The following RAG1 variants were observed in gnomAD, a reference collection of about 807,000 sequenced individuals.
RAG1 encodes the protein recombination activating 1.
In RAG1, 35 loss-of-function variants were observed where a neutral mutation model predicts 62.7. The ratio of observed to expected loss-of-function variants is 0.56; its 90% CI spans 0.43 to 0.74. The LOEUF (loss-of-function observed/expected upper bound fraction) is 0.74, where lower values mean the gene tolerates loss of function less well. Ranked by LOEUF, RAG1 falls within the 30% of genes least tolerant of loss-of-function variation. RAG1 has a pLI of 0.00. For synonymous variants in RAG1, 461 were observed against 470.3 expected (o/e 0.98, Z 0.26); for missense variants, 1,169 against 1,278.6 (o/e 0.91, Z 1.31).
chr11:36,571,948 A>G (rs530741088), intron 1 of RAG1, among the ~76,000 whole-genome samples: 2 of 152,162 alleles, frequency 1.3e-5, no homozygotes, highest in Admixed American at 6.5e-5. Context: ...TGTGTGATGC[A>G]TGTAAGATAG....
rs146610340 is a variant in RAG1, at chr11:36,511,653, A to G, written n.330+615A>G. ...TTGTATTTTGAAACACTTAAGACAT[A>G]AAAAGAGCACAAACATCTGTGTGCT... On this transcript the variant is annotated intron_variant and non_coding_transcript_variant, in intron 1 of 2. Coordinates refer to the RAG1 transcript ENST00000529126. 2.0e-5 allele frequency among the ~76,000 whole-genome samples: 3 copies of G among 152,348 alleles called. No individual in the cohort carries two copies. In the East Asian group the frequency reaches 5.8e-4, roughly 29 times the overall value.
Position 36,533,492 on chromosome 11 carries a change from C to T in RAG1, n.429-2467C>T, listed in dbSNP as rs1018716334. Among the ~76,000 whole-genome samples the T allele has an allele frequency of 3.3e-5, 5 of 152,152 alleles. No individual in the cohort carries two copies. In the South Asian group the frequency reaches 6.2e-4, roughly 19 times the overall value. The stretch of plus-strand genomic sequence containing the variant: ...GGGCATTAATTTTATATGCCCTTTA[C>T]TAAACTTTTGTGAACTCAAAGACTT... On this transcript the variant is annotated intron_variant and non_coding_transcript_variant, in intron 2 of 2. Transcript: ENST00000529126.
chr11:36,530,501 T>C (rs561378879), intron 2 of RAG1, among the ~76,000 whole-genome samples: 1 of 152,094 alleles, frequency 6.6e-6, no homozygotes, highest in East Asian at 1.9e-4. Flanking sequence ...TTTAGTTGTG[T>C]CCTATGAGTT....
intron 1 of RAG1, among the ~76,000 whole-genome samples, chr11:36,572,209 G>A (rs1000426012): frequency 2.6e-5 from 4 of 152,196 alleles, no homozygotes; most frequent in African/African-American, 7.2e-5. Context: ...GAGATAGGTG[G>A]ATGGGATGAT....
At chr11:36,531,516 A>G (rs1037356341) in intron 2 of RAG1, among the ~76,000 whole-genome samples, 1 of 151,888 alleles carries the variant, frequency 6.6e-6, no homozygotes, top group Non-Finnish European at 1.5e-5. Flanking sequence ...ATTACATTAT[A>G]TATATGTATA....
intron 3 of RAG1, among the ~76,000 whole-genome samples, chr11:36,542,344 C>T (rs1424850192): frequency 6.6e-6 from 1 of 152,186 alleles, no homozygotes; most frequent in East Asian, 1.9e-4. Context: ...AGGTTGTACA[C>T]AGGGTAACAT....
At chr11:36,570,642 T>C (rs1850726203) in intron 1 of RAG1, among the ~76,000 whole-genome samples, 1 of 152,222 alleles carries the variant, frequency 6.6e-6, no homozygotes, top group African/African-American at 2.4e-5. Context: ...CTACCAACTG[T>C]GTATGAAGGT....
downstream of RAG1, among the ~76,000 whole-genome samples, chr11:36,540,300 C>T (rs1860395373): frequency 6.6e-6 from 1 of 152,216 alleles, no homozygotes; most frequent in Non-Finnish European, 1.5e-5. Context: ...ATTAATTTTA[C>T]TCACCGATGT....
chr11:36,575,234 T>C lies in RAG1; in HGVS notation c.1930T>C (p.Phe644Leu). The change falls in exon 2 of 2, where the codon TTT becomes CTT. Residue 644 changes from phenylalanine to leucine, a missense_variant. Transcript: ENST00000299440. This position sits in a 1 kb window ranked among gnomAD's most constrained non-coding sequence, Gnocchi z 4.1. ...IAHSSQNVKV[F>L]EEAKPNSELC... is the part of the protein sequence containing the mutation. The stretch of plus-strand genomic sequence containing the variant: ...CCACAGCTCTCAGAATGTGAAAGTA[T>C]TTGAAGAAGCCAAACCTAACTCTGA... The C allele has an allele frequency of 1.2e-6, 2 of 1,614,210 alleles. No homozygotes were observed.
chr11:36,512,980 G>A (rs1488559333), intron 1 of RAG1, among the ~76,000 whole-genome samples: 6 of 152,174 alleles, frequency 3.9e-5, no homozygotes, highest in South Asian at 2.1e-4. Context: ...TGGGAGGTGG[G>A]ACCTAATGAG....
chr11:36,558,099 C>A (rs549218546), intron 3 of RAG1, among the ~76,000 whole-genome samples: 2 of 152,096 alleles, frequency 1.3e-5, no homozygotes, highest in Admixed American at 6.5e-5. Flanking sequence ...TCTCTTATGA[C>A]TAATTTCCAG....
rs1403181909 is a variant in RAG1, at chr11:36,574,696, C to T, written c.1392C>T (p.Gly464=). The T allele has an allele frequency of 6.2e-7, 1 of 1,614,212 alleles. No individual in the cohort carries two copies. Among genetic ancestry groups the T allele is most frequent in the Non-Finnish European group, 8.5e-7 (1 of 1,180,052 alleles). Reference sequence around the variant, plus strand: ...CCATCATGCAGGGAAAGGGCTCTGGCCTGCAGCCAGCTGTTTGCTTGGCCA... The same window carrying T: ...CCATCATGCAGGGAAAGGGCTCTGGTCTGCAGCCAGCTGTTTGCTTGGCCA... The part of the protein sequence containing the change: ...LEAIMQGKGS[G]LQPAVCLAIR... Residue 464 remains glycine, a synonymous_variant, in exon 2 of 2, where the codon GGC becomes GGT. Coordinates refer to ENST00000299440, the MANE Select transcript of RAG1 (RefSeq NM_000448.3).
upstream of RAG1, among the ~76,000 whole-genome samples, chr11:36,566,711 C>T (rs2133285873): frequency 6.6e-6 from 1 of 152,310 alleles, no homozygotes; most frequent in Non-Finnish European, 1.5e-5. Flanking sequence ...GGCTGCATCT[C>T]CTTGGGGAAA....
At chr11:36,540,571 AT>A (rs555581293), downstream of RAG1, among the ~76,000 whole-genome samples, 2 of 151,606 alleles carry the variant, frequency 1.3e-5, no homozygotes, top group African/African-American at 4.8e-5. Flanking sequence ...CGCATGGCTA[AT>A]TTTTTTTGGA....
chr11:36,529,932 C>T (rs558900939), intron 2 of RAG1, among the ~76,000 whole-genome samples: 2 of 151,796 alleles, frequency 1.3e-5, no homozygotes, highest in South Asian at 4.2e-4. Flanking sequence ...TTGAATTCTT[C>T]AGTGAAACCA....
chr11:36,543,133 G>A (rs1304306298), intron 3 of RAG1, among the ~76,000 whole-genome samples: 1 of 152,140 alleles, frequency 6.6e-6, no homozygotes, highest in Non-Finnish European at 1.5e-5. Flanking sequence ...TGGCAGATAG[G>A]GAACTGGCTA....
chr11:36,518,701 C>G (rs1223936289), intron 1 of RAG1, among the ~76,000 whole-genome samples: 1 of 152,174 alleles, frequency 6.6e-6, no homozygotes, highest in South Asian at 2.1e-4. Flanking sequence ...TGGTTTTTTT[C>G]TTGTAAATTT....
At position 36,576,271 on chromosome 11, in the gene RAG1, T is replaced by C; in HGVS notation, c.2967T>C (p.Asp989=). 5.0e-6 allele frequency: 8 copies of C among 1,614,090 alleles called. No homozygotes were observed. The highest frequency in any genetic ancestry group is 6.8e-6 in the Non-Finnish European group (8 of 1,180,014). ...ARQSKCYEME[D]VLKHHWLYTS... ...AGTCCAAATGCTATGAGATGGAAGATGTCCTGAAACACCACTGGTTGTACA... is the reference window on the plus strand; with the variant it reads ...AGTCCAAATGCTATGAGATGGAAGACGTCCTGAAACACCACTGGTTGTACA... The change falls in exon 2 of 2, where the codon GAT becomes GAC. Residue 989 remains aspartate, a synonymous_variant. Transcript: ENST00000299440.
At chr11:36,561,530 G>C (rs776919441) in intron 3 of RAG1, among the ~76,000 whole-genome samples, 6 of 152,152 alleles carry the variant, frequency 3.9e-5, no homozygotes, top group Non-Finnish European at 7.3e-5. Flanking sequence ...CGGTGTGTCT[G>C]TTAGTGTTTT....
Sources: gnomAD v4.1 joint callset for allele counts (sites outside exome capture counted in the v4.1 genomes callset) on GRCh38, gnomAD v4.1.1 for gene constraint, Gnocchi (gnomAD v3.1) non-coding constraint, MANE v1.5 for transcripts, NCBI Gene and HGNC (gene_info 2026-07-23, HGNC 2026-07-21) for gene names.